The following PCDHA13 variants were observed in gnomAD, a reference collection of about 807,000 sequenced individuals.
PCDHA13 encodes protocadherin alpha-13.
A neutral mutation model predicts 64.8 loss-of-function variants in PCDHA13; 54 were observed. The ratio of observed to expected loss-of-function variants is 0.83; its 90% CI spans 0.67 to 1.04. The LOEUF (loss-of-function observed/expected upper bound fraction) is 1.04. Among genes scored for constraint, PCDHA13 ranks in the 50% least tolerant of loss-of-function variants. PCDHA13 has a pLI of 0.00. For missense variants in PCDHA13, 1,248 were observed against 1,254.3 expected (o/e 0.99, Z 0.08); for synonymous variants, 587 against 564.4 (o/e 1.04, Z -0.57).
intron 1 of PCDHA13, among the ~76,000 whole-genome samples, chr5:140,891,303 T>C (rs1007949282): frequency 6.6e-6 from 1 of 152,178 alleles, no homozygotes; most frequent in Non-Finnish European, 1.5e-5. Flanking sequence ...GGTATTTGAT[T>C]ACATGAGTAA....
chr5:140,956,060 G>A (rs1021406649), intron 1 of PCDHA13, among the ~76,000 whole-genome samples: 12 of 152,074 alleles, frequency 7.9e-5, no homozygotes, highest in African/African-American at 2.9e-4. Context: ...GAGACAATGG[G>A]GTTTTCCAGA....
chr5:140,912,500 T>C (rs1554195386), intron 1 of PCDHA13, among the ~76,000 whole-genome samples: 1 of 152,204 alleles, frequency 6.6e-6, no homozygotes, highest in Non-Finnish European at 1.5e-5. Flanking sequence ...TAGGAGCTTT[T>C]TGGATGAATC....
chr5:140,897,253 T>C (rs1481151592), intron 1 of PCDHA13, among the ~76,000 whole-genome samples: 1 of 151,928 alleles, frequency 6.6e-6, no homozygotes, highest in East Asian at 1.9e-4. Flanking sequence ...TACATATGTA[T>C]ACATGTGCCA....
In PCDHA13 at chr5:140,883,441, G is replaced by A. The variant is rs782063932; in HGVS notation, c.1173G>A (p.Pro391=). 3.1e-6 allele frequency: 5 copies of A among 1,614,130 alleles called. No homozygotes were observed. In the African/African-American group the frequency reaches 4.0e-5, roughly 13 times the overall value. ...SNGQVTCTLT[P]HVPFKLVSTY... is the part of the protein sequence containing the mutation. Reference sequence around the variant, plus strand: ...GACAGGTCACCTGCACCTTGACGCCGCATGTCCCCTTCAAGCTGGTGTCCA... The same window carrying A: ...GACAGGTCACCTGCACCTTGACGCCACATGTCCCCTTCAAGCTGGTGTCCA... The change falls in exon 1 of 4, where the codon CCG becomes CCA. Residue 391 remains proline (P), a synonymous_variant. Transcript: ENST00000289272.
intron 1 of PCDHA13, chr5:140,966,689 G>A (rs1002366053): frequency 2.2e-6 from 3 of 1,343,650 alleles, no homozygotes; most frequent in Non-Finnish European, 2.9e-6. Context: ...GAGCGGAGGC[G>A]GGGCCCGGGC....
At chr5:140,947,956 A>G (rs1460892977) in intron 1 of PCDHA13, among the ~76,000 whole-genome samples, 2 of 151,570 alleles carry the variant, frequency 1.3e-5, no homozygotes, top group Non-Finnish European at 3.0e-5. Context: ...CATATTTTAC[A>G]ATTAAGTATG....
rs200493520 is a variant in PCDHA13 at position 140,928,140 on chromosome 5, G to T, written c.2394+43478G>T. ...TCAGTGAATACCAAGTCCTGATCAC[G>T]GCCTCAGATAGTGGCTCACCCCCAC... On this transcript the variant is annotated intron_variant, in intron 1 of 3. Transcript: ENST00000289272. The T allele has an allele frequency of 2.5e-6, 4 of 1,614,154 alleles. No homozygotes were observed. In the East Asian group the frequency reaches 6.7e-5, roughly 27 times the overall value.
intron 3 of PCDHA13, among the ~76,000 whole-genome samples, chr5:140,983,431 G>T (rs947907651): frequency 5.3e-5 from 8 of 152,198 alleles, no homozygotes; most frequent in African/African-American, 1.9e-4. Flanking sequence ...ACCACAAATT[G>T]TGTCTACTCT....
chr5:140,965,435 T>C (rs1327952223), intron 1 of PCDHA13, among the ~76,000 whole-genome samples: 1 of 151,992 alleles, frequency 6.6e-6, no homozygotes, highest in Non-Finnish European at 1.5e-5. Context: ...CTGCAGTCAT[T>C]GAAATTGCTG....
At chr5:140,954,214 T>C (rs1186171676) in intron 1 of PCDHA13, among the ~76,000 whole-genome samples, 1 of 152,254 alleles carries the variant, frequency 6.6e-6, no homozygotes, top group African/African-American at 2.4e-5. Flanking sequence ...TCCCATGTTT[T>C]TGCTATTGTG....
intron 1 of PCDHA13, among the ~76,000 whole-genome samples, chr5:140,976,889 T>A (rs2096736169): frequency 6.6e-6 from 1 of 152,218 alleles, no homozygotes; most frequent in Admixed American, 6.5e-5. Context: ...TTAGGATACA[T>A]GCAACAGTAT....
At chr5:140,938,752 A>G (rs1213369856) in intron 1 of PCDHA13, among the ~76,000 whole-genome samples, 1 of 152,146 alleles carries the variant, frequency 6.6e-6, no homozygotes, top group Non-Finnish European at 1.5e-5. Flanking sequence ...TTTTAAAGGC[A>G]TAGTTATTGG....
At chr5:140,944,809 A>G (rs2093698274) in intron 1 of PCDHA13, among the ~76,000 whole-genome samples, 1 of 152,220 alleles carries the variant, frequency 6.6e-6, no homozygotes, top group African/African-American at 2.4e-5. Flanking sequence ...GAGGGTCCAC[A>G]GTGATCTTTG....
At chr5:140,927,165 T>A in intron 1 of PCDHA13, 1 of 1,614,164 alleles carries the variant, frequency 6.2e-7, no homozygotes, top group Non-Finnish European at 8.5e-7. Context: ...GGGCCAAAGC[T>A]GCCTGCGTCT....
chr5:141,006,946 G>A (rs1333269040), intron 3 of PCDHA13, among the ~76,000 whole-genome samples: 1 of 152,120 alleles, frequency 6.6e-6, no homozygotes, highest in African/African-American at 2.4e-5. Flanking sequence ...TACCAGATAG[G>A]CAGTTATACA....
At chr5:140,903,347 A>C (rs1393300562) in intron 1 of PCDHA13, among the ~76,000 whole-genome samples, 2 of 152,228 alleles carry the variant, frequency 1.3e-5, no homozygotes, top group Non-Finnish European at 2.9e-5. Context: ...GCATTTTAAA[A>C]AACAAGTTTT....
At chr5:140,982,298 A>G (rs1371152402) in intron 2 of PCDHA13, 177 bp from the exon 3 acceptor site, 12 of 1,189,736 alleles carry the variant, frequency 1.0e-5, no homozygotes, top group Admixed American at 5.6e-5. Flanking sequence ...TAAGTCAGCA[A>G]TGCTTCTGCA....
chr5:140,952,565 C>T (rs1255567969), intron 1 of PCDHA13, among the ~76,000 whole-genome samples: 3 of 152,142 alleles, frequency 2.0e-5, no homozygotes, highest in African/African-American at 4.8e-5. Flanking sequence ...ATCAGCACTT[C>T]GGTCCCAATC....
At chr5:140,907,406 A>G (rs2073359357) in intron 1 of PCDHA13, among the ~76,000 whole-genome samples, 1 of 152,216 alleles carries the variant, frequency 6.6e-6, no homozygotes, top group African/African-American at 2.4e-5. Context: ...TGTGTGGAAT[A>G]CCACGATGGT....
Sources: gnomAD v4.1 joint callset for allele counts (sites outside exome capture counted in the v4.1 genomes callset) on GRCh38, gnomAD v4.1.1 for gene constraint, MANE v1.5 for transcripts, NCBI Gene and HGNC (gene_info 2026-07-23, HGNC 2026-07-21) for gene names.